Variants in SLC30A7 observed in about 807,000 individuals in gnomAD.
The protein encoded by SLC30A7 is solute carrier family 30 member 7.
Under a neutral mutation model 46.0 loss-of-function variants are expected in SLC30A7, and 35 were observed. The observed-to-expected ratio is 0.76, with a 90% CI of 0.58 to 1.01. The LOEUF is 1.01. Ranked by LOEUF, SLC30A7 falls within the 50% of genes least tolerant of loss-of-function variation. SLC30A7 has a pLI of 0.00. For missense variants in SLC30A7, 464 were observed against 451.1 expected (o/e 1.03, Z -0.26); for synonymous variants, 147 against 157.8 (o/e 0.93, Z 0.51).
chr1:100,983,198 C>T (rs1437417997), downstream of SLC30A7, among the ~76,000 whole-genome samples: 2 of 151,966 alleles, frequency 1.3e-5, no homozygotes, highest in Non-Finnish European at 2.9e-5. Flanking sequence ...CCAAACTTTT[C>T]ATTAGTCTAG....
chr1:100,974,833 A>G lies in SLC30A7; in HGVS notation c.1107A>G (p.Val369=). The G allele has an allele frequency of 2.5e-6, 4 of 1,599,102 alleles. No individual in the cohort carries two copies. The highest frequency in any genetic ancestry group is 3.4e-6 in the Non-Finnish European group (4 of 1,169,710). The part of the protein sequence containing the change: ...FTQAGVRQLY[V]QIDFAAM ...AGGCTGGAGTGAGACAGCTCTACGTACAGATTGACTTTGCAGCCATGTAGT... is the reference window on the plus strand; with the variant it reads ...AGGCTGGAGTGAGACAGCTCTACGTGCAGATTGACTTTGCAGCCATGTAGT... Residue 369 remains valine, a synonymous_variant, in exon 11 of 11, where the codon GTA becomes GTG. Transcript: ENST00000357650.
intron 3 of SLC30A7, among the ~76,000 whole-genome samples, chr1:100,910,627 A>G (rs988929287): frequency 2.6e-5 from 4 of 152,168 alleles, no homozygotes; most frequent in Non-Finnish European, 5.9e-5. Flanking sequence ...ACAAAGCAGA[A>G]AGCATAAGGA....
rs1656884164 is a variant in SLC30A7, at chr1:100,980,807, A to G, written c.*5950A>G. ...GGAACCTGGGTCACTTGAATTTTCT[A>G]TATTTTGTATGGCCAAATCAGGAAC... On this transcript the variant is annotated 3_prime_UTR_variant, in exon 11 of 11. Transcript: ENST00000357650. 6.6e-6 allele frequency: 1 copy of G among 151,976 alleles called. No individual in the cohort carries two copies. Among genetic ancestry groups the G allele is most frequent in the African/African-American group, 2.4e-5 (1 of 41,402 alleles). 9.4% of individuals were successfully genotyped at this position (151,976 alleles called of 1,614,324 possible).
At chr1:100,916,331 G>A (rs541040431) in intron 6 of SLC30A7, among the ~76,000 whole-genome samples, 153 of 152,014 alleles carry the variant, frequency 1.0e-3, no homozygotes, top group Non-Finnish European at 1.6e-3. Context: ...GATTACAGGC[G>A]TGTGCCACCA....
Position 100,965,808 on chromosome 1 carries a change from CA to C in SLC30A7, c.974del (p.His325ProfsTer14). 6.2e-7 allele frequency: 1 copy of C among 1,613,678 alleles called. No homozygotes were observed. Among genetic ancestry groups the C allele is most frequent in the Non-Finnish European group, 8.5e-7 (1 of 1,179,606 alleles). On this transcript the variant is annotated frameshift_variant, in exon 10 of 11. Transcript: ENST00000357650. LOFTEE classifies it high-confidence loss of function. ...LQGVYSLQEQ[H>X]FWTLCSDVYV... Reference sequence around the variant, plus strand: ...AGGAGTTTACAGTTTACAGGAACAGCACTTCTGGACTTTATGTTCTGACGTT... The same window carrying C: ...AGGAGTTTACAGTTTACAGGAACAGCCTTCTGGACTTTATGTTCTGACGTT...
chr1:100,956,983 T>C (rs1655256600), intron 8 of SLC30A7, among the ~76,000 whole-genome samples: 2 of 152,266 alleles, frequency 1.3e-5, no homozygotes, highest in African/African-American at 4.8e-5. Flanking sequence ...AAAATAAAGT[T>C]ATGAATTTCT....
chr1:100,912,582 G>A (rs1003063258), intron 5 of SLC30A7, among the ~76,000 whole-genome samples: 5 of 152,082 alleles, frequency 3.3e-5, no homozygotes, highest in Non-Finnish European at 7.4e-5. Context: ...CCAGCACTCT[G>A]GGAGGCCAAG....
the SLC30A7 span, among the ~76,000 whole-genome samples, chr1:100,988,099 T>C: frequency 0.94 from 143,706 of 152,224 alleles, 68,376 homozygotes; most frequent in East Asian, 1. Context: ...ATGCACGGTT[T>C]GAGAGTTAGC....
At chr1:100,916,541 G>C (rs1028522373) in intron 6 of SLC30A7, among the ~76,000 whole-genome samples, 1 of 152,030 alleles carries the variant, frequency 6.6e-6, no homozygotes, top group Admixed American at 6.6e-5. Context: ...CATGCAGTGT[G>C]AAATAATCAC....
intron 8 of SLC30A7, among the ~76,000 whole-genome samples, chr1:100,926,837 G>T (rs1350954068): frequency 6.6e-6 from 1 of 152,196 alleles, no homozygotes; most frequent in African/African-American, 2.4e-5. Context: ...CATGCAAATA[G>T]ATAATGGACT....
rs1652687460 is a variant in SLC30A7 at position 100,917,988 on chromosome 1, A to G, written c.656-89A>G. 10 of 991,950 alleles carry G rather than the reference A, an allele frequency of 1.0e-5. 1 individual carries two copies. The highest frequency in any genetic ancestry group is 8.8e-5 in the South Asian group (6 of 68,440). 61.4% of individuals were successfully genotyped at this position (991,950 alleles called of 1,614,324 possible). A position where few individuals can be genotyped will look rare whatever the true frequency, so the allele number is the denominator to read the frequency against. ...ATGGCTATATAGCCATGCATTCTTG[A>G]TGATGCATTTGAATGAAAAGGACTC... is the stretch of plus-strand genomic sequence containing the variant. On this transcript the variant is annotated intron_variant, in intron 6 of 10. Coordinates refer to ENST00000357650, the MANE Select transcript of SLC30A7 (RefSeq NM_133496.5).
At chr1:100,952,289 T>C (rs1007936916) in intron 8 of SLC30A7, among the ~76,000 whole-genome samples, 1 of 152,230 alleles carries the variant, frequency 6.6e-6, no homozygotes, top group African/African-American at 2.4e-5. Context: ...CTGTGTGAGC[T>C]TGGACAAGTC....
chr1:100,986,655 C>T (rs969346956), downstream of SLC30A7, among the ~76,000 whole-genome samples: 2 of 152,142 alleles, frequency 1.3e-5, no homozygotes, highest in African/African-American at 2.4e-5. Context: ...AATGTTTTAA[C>T]AACTTTATAC....
chr1:100,903,949 ATAGT>A (rs1396698472), intron 2 of SLC30A7, among the ~76,000 whole-genome samples: 1 of 152,206 alleles, frequency 6.6e-6, no homozygotes, highest in African/African-American at 2.4e-5. Context: ...AGCATTAATA[ATAGT>A]TAATAATTAA....
At chr1:100,942,834 A>G (rs1402504091) in intron 8 of SLC30A7, among the ~76,000 whole-genome samples, 1 of 152,230 alleles carries the variant, frequency 6.6e-6, no homozygotes, top group Non-Finnish European at 1.5e-5. Context: ...GTATGAAAAA[A>G]GTAAAAGGGC....
Position 100,976,233 on chromosome 1 carries a change from C to T in SLC30A7, c.*1376C>T, listed in dbSNP as rs1570606677. 1 of 152,206 alleles carries T rather than the reference C, an allele frequency of 6.6e-6. No individual in the cohort carries two copies. The highest frequency in any genetic ancestry group is 2.1e-4 in the South Asian group (1 of 4,828). 9.4% of individuals were successfully genotyped at this position (152,206 alleles called of 1,614,324 possible). On this transcript the variant is annotated 3_prime_UTR_variant, in exon 11 of 11. Coordinates refer to ENST00000357650, the MANE Select transcript of SLC30A7 (RefSeq NM_133496.5). ...AGAAAAAGGCATTGGAGACTGAAGG[C>T]AGAAATGGTTGTGACAGTGCTGTTT...
At chr1:100,960,928 A>G (rs1304168617) in intron 8 of SLC30A7, among the ~76,000 whole-genome samples, 2 of 144,738 alleles carry the variant, frequency 1.4e-5, no homozygotes, top group Non-Finnish European at 3.0e-5. Context: ...TCACCATTCT[A>G]CTATTAATTG....
chr1:100,963,220 TCTA>T (rs1200670719), intron 9 of SLC30A7, among the ~76,000 whole-genome samples: 1 of 152,204 alleles, frequency 6.6e-6, no homozygotes, highest in Non-Finnish European at 1.5e-5. Flanking sequence ...AAGTTCTAGT[TCTA>T]CTCTTTTAGC....
rs1422068040 is a variant in SLC30A7, at chr1:100,975,723, T to C, written c.*866T>C. 6.6e-6 allele frequency: 1 copy of C among 152,228 alleles called. No individual in the cohort carries two copies. The highest frequency in any genetic ancestry group is 2.4e-5 in the African/African-American group (1 of 41,394). 9.4% of individuals were successfully genotyped at this position (152,228 alleles called of 1,614,324 possible). A position where few individuals can be genotyped will look rare whatever the true frequency, so the allele number is the denominator to read the frequency against. ...TTGCATTTTTAGTAGAGATGGGGTTTCACCATGTTGGCCAGGATGGTCTTG... is the reference window on the plus strand; with the variant it reads ...TTGCATTTTTAGTAGAGATGGGGTTCCACCATGTTGGCCAGGATGGTCTTG... On this transcript the variant is annotated 3_prime_UTR_variant, in exon 11 of 11. Coordinates refer to ENST00000357650, the MANE Select transcript of SLC30A7 (RefSeq NM_133496.5).
Sources: allele counts gnomAD v4.1 joint callset (sites outside exome capture counted in the v4.1 genomes callset), GRCh38; gene constraint gnomAD v4.1.1; transcripts MANE v1.5; gene names NCBI Gene and HGNC (gene_info 2026-07-23, HGNC 2026-07-21).